The following AFF3 variants were observed in gnomAD, a reference collection of about 807,000 sequenced individuals.
AFF3 encodes the protein ALF transcription elongation factor 3.
AFF3 carries 32 observed loss-of-function variants against 129.7 expected under a neutral mutation model. The observed-to-expected ratio is 0.25, with a 90% CI of 0.19 to 0.33. The LOEUF (loss-of-function observed/expected upper bound fraction) is 0.33, where lower values mean the gene tolerates loss of function less well. Ranked by LOEUF, AFF3 falls within the 10% of genes least tolerant of loss-of-function variation. The pLI is 1.00. For missense variants in AFF3, 1,373 were observed against 1,592.0 expected, an observed-to-expected ratio of 0.86 and a Z score of 2.34; for synonymous variants, 644 against 635.4, an observed-to-expected ratio of 1.01 and a Z score of -0.20.
intron 1 of AFF3, among the ~76,000 whole-genome samples, chr2:100,131,453 A>T (rs1412774071): frequency 2.6e-5 from 4 of 152,080 alleles, no homozygotes; most frequent in African/African-American, 9.7e-5. Flanking sequence ...ACTTTTTTTA[A>T]ATTTTTTTAT....
chr2:99,569,340 T>C (rs763594908), intron 18 of AFF3, among the ~76,000 whole-genome samples: 20 of 152,368 alleles, frequency 1.3e-4, no homozygotes, highest in Non-Finnish European at 2.6e-4. Flanking sequence ...TGTATCCTTA[T>C]GAAAATAAGT....
At chr2:99,910,765 A>T (rs1264500232) in intron 7 of AFF3, among the ~76,000 whole-genome samples, 1 of 152,264 alleles carries the variant, frequency 6.6e-6, no homozygotes, top group Non-Finnish European at 1.5e-5. Context: ...ATGAATTTTA[A>T]CAAGTCACCT....
intron 7 of AFF3, among the ~76,000 whole-genome samples, chr2:99,868,666 T>C (rs939002225): frequency 1.3e-5 from 2 of 152,138 alleles, no homozygotes; most frequent in Non-Finnish European, 2.9e-5. Flanking sequence ...TCTATGATCC[T>C]CTGAACAATA....
chr2:100,139,807 A>G (rs1692788611), intron 1 of AFF3, among the ~76,000 whole-genome samples: 1 of 152,236 alleles, frequency 6.6e-6, no homozygotes, highest in South Asian at 2.1e-4. Flanking sequence ...CTTGTTTGTC[A>G]GACTTGGAAA....
At chr2:99,572,988 A>G (rs539644494) in intron 18 of AFF3, among the ~76,000 whole-genome samples, 179 of 152,304 alleles carry the variant, frequency 1.2e-3, no homozygotes, top group Non-Finnish European at 2.1e-3. Flanking sequence ...TCTTCAGGCC[A>G]CAGGACTGCT....
At chr2:99,978,065 C>T (rs959137749) in intron 7 of AFF3, among the ~76,000 whole-genome samples, 5 of 152,198 alleles carry the variant, frequency 3.3e-5, no homozygotes, top group Non-Finnish European at 5.9e-5. Context: ...ATGCAGAGAA[C>T]GTTCACCTGG....
chr2:99,659,373 G>A (rs1034693035), intron 12 of AFF3, among the ~76,000 whole-genome samples: 3 of 152,174 alleles, frequency 2.0e-5, no homozygotes, highest in Non-Finnish European at 4.4e-5. Flanking sequence ...CAGACCCAAC[G>A]CTGGCTGAGC....
intron 5 of AFF3, 41 bp downstream of exon 5, chr2:100,008,771 A>G: frequency 6.2e-7 from 1 of 1,602,278 alleles, no homozygotes; most frequent in Middle Eastern, 1.7e-4. Context: ...GAGTGAGAGA[A>G]ACAAGTGAGA....
At chr2:99,837,326 GTGT>G in intron 8 of AFF3, 148 bp downstream of exon 8, 1 of 695,052 alleles carries the variant, frequency 1.4e-6, no homozygotes, top group Non-Finnish European at 2.4e-6. Flanking sequence ...GTTAACAGAA[GTGT>G]TGTTTCAAAA....
intron 7 of AFF3, among the ~76,000 whole-genome samples, chr2:99,985,939 G>C (rs545869148): frequency 6.6e-6 from 1 of 152,000 alleles, no homozygotes; most frequent in African/African-American, 2.4e-5. Context: ...AGTGGCTCAC[G>C]CCTGTAATCC....
In AFF3 at chr2:100,075,799, T is replaced by C. The variant is rs146706242; in HGVS notation, c.53+28603A>G. Reference sequence around the variant, plus strand: ...ACACAGAATATTATATTTCAGTTGTTTGCACTGCTTGTTTCTCCATAGTTC... The same window carrying C: ...ACACAGAATATTATATTTCAGTTGTCTGCACTGCTTGTTTCTCCATAGTTC... On this transcript the variant is annotated intron_variant, in intron 4 of 24. Coordinates refer to ENST00000672756, the MANE Select transcript of AFF3 (RefSeq NM_001386135.1). Among the ~76,000 whole-genome samples the C allele has an allele frequency of 5.7e-3, 867 of 152,332 alleles. 5 individuals are homozygous for C. Among genetic ancestry groups the C allele is most frequent in the African/African-American group, 0.02 (824 of 41,568 alleles).
At chr2:99,624,423 T>C (rs1323962382) in intron 13 of AFF3, among the ~76,000 whole-genome samples, 1 of 152,222 alleles carries the variant, frequency 6.6e-6, no homozygotes, top group East Asian at 1.9e-4. Flanking sequence ...ACCATTGCCA[T>C]TGTGTAACTT....
intron 7 of AFF3, among the ~76,000 whole-genome samples, chr2:99,865,356 C>A (rs1691313710): frequency 6.6e-6 from 1 of 152,176 alleles, no homozygotes; most frequent in Admixed American, 6.5e-5. Context: ...GAGCAATAGG[C>A]TCTAGAGACA....
chr2:99,612,886 A>G (rs1681068036), intron 13 of AFF3, among the ~76,000 whole-genome samples: 1 of 152,246 alleles, frequency 6.6e-6, no homozygotes. Flanking sequence ...GTGGGCTACA[A>G]AGCAGCATGA....
intron 7 of AFF3, among the ~76,000 whole-genome samples, chr2:99,936,864 T>C (rs2106325355): frequency 6.6e-6 from 1 of 152,360 alleles, no homozygotes; most frequent in Admixed American, 6.5e-5. Context: ...TGGATTTAAC[T>C]GTGGCACTTT....
chr2:100,022,769 AC>A (rs1050012812), intron 4 of AFF3, among the ~76,000 whole-genome samples: 1 of 152,208 alleles, frequency 6.6e-6, no homozygotes, highest in African/African-American at 2.4e-5. Flanking sequence ...GTCCAATGCC[AC>A]AGGCAATACA....
chr2:99,778,598 T>C (rs754976471), intron 8 of AFF3, among the ~76,000 whole-genome samples: 12 of 152,196 alleles, frequency 7.9e-5, no homozygotes, highest in Admixed American at 2.0e-4. Context: ...TTAACAATAT[T>C]AAGTCTTCCT....
chr2:99,823,450 G>A (rs1314803015), intron 8 of AFF3, among the ~76,000 whole-genome samples: 1 of 152,030 alleles, frequency 6.6e-6, no homozygotes, highest in Admixed American at 6.5e-5. Context: ...ATCCCAGGGT[G>A]ATTTTTAAAA....
intron 4 of AFF3, among the ~76,000 whole-genome samples, chr2:100,021,524 T>C (rs1683601823): frequency 6.6e-6 from 1 of 152,214 alleles, no homozygotes; most frequent in South Asian, 2.1e-4. Flanking sequence ...ATTTTATTTA[T>C]GGTTATAGAA....
Sources: gnomAD v4.1 joint callset for allele counts (sites outside exome capture counted in the v4.1 genomes callset) on GRCh38, gnomAD v4.1.1 for gene constraint, MANE v1.5 for transcripts, NCBI Gene and HGNC (gene_info 2026-07-23, HGNC 2026-07-21) for gene names.